LIN54: variants seen among roughly 807,000 people sequenced by gnomAD.
The protein encoded by LIN54 is protein lin-54 homolog.
Under a neutral mutation model 78.7 loss-of-function variants are expected in LIN54, and 9 were observed. That is an observed-to-expected ratio of 0.11 (90% confidence interval 0.07 to 0.20). LIN54 has a LOEUF of 0.20. LIN54 is among the 10% of genes least tolerant of loss of function. The pLI, the probability that LIN54 is intolerant of heterozygous loss-of-function variation, is 1.00. For missense variants in LIN54, 573 were observed against 889.9 expected, an observed-to-expected ratio of 0.64 and a Z score of 4.53; for synonymous variants, 269 against 318.4, an observed-to-expected ratio of 0.84 and a Z score of 1.65.
At chr4:82,995,030 C>T (rs764155007) in intron 1 of LIN54, among the ~76,000 whole-genome samples, 2 of 152,030 alleles carry the variant, frequency 1.3e-5, no homozygotes, top group African/African-American at 2.4e-5. Context: ...GTGGCTCACA[C>T]CTGTAATCCC....
chr4:82,962,327 A>G (rs978375981), intron 4 of LIN54, among the ~76,000 whole-genome samples: 4 of 152,200 alleles, frequency 2.6e-5, no homozygotes, highest in Non-Finnish European at 4.4e-5. Context: ...CAGTTTTGGT[A>G]TGAATCACTG....
rs1193931181 is a variant in LIN54, at chr4:82,925,594, AT to A, written c.*2507del. On this transcript the variant is annotated 3_prime_UTR_variant, in exon 13 of 13. Transcript: ENST00000340417. ...AGTAATAACTGAGCAAAATGATAGA[AT>A]TTTTTAGTTGTGTGTTTTCAGAAGT... is the stretch of plus-strand genomic sequence containing the variant. The A allele has an allele frequency of 6.6e-6, 1 of 152,654 alleles. No individual in the cohort carries two copies. The highest frequency in any genetic ancestry group is 1.5e-5 in the Non-Finnish European group (1 of 68,034). 9.5% of individuals were successfully genotyped at this position (152,654 alleles called of 1,614,324 possible).
intron 1 of LIN54, among the ~76,000 whole-genome samples, chr4:83,005,419 C>T (rs1729265109): frequency 6.6e-6 from 1 of 152,040 alleles, no homozygotes; most frequent in Non-Finnish European, 1.5e-5. Flanking sequence ...AGGCGGATCA[C>T]TTGAGGCCAG....
chr4:82,937,975 T>A lies in LIN54; in HGVS notation c.1532+438A>T, dbSNP rs150880729. Among the ~76,000 whole-genome samples, 135 of 152,002 alleles carry A rather than the reference T, an allele frequency of 8.9e-4. 2 individuals are homozygous for A. In the East Asian group the frequency reaches 0.026, roughly 29 times the overall value. ...GTGAGACCGCATCTCTACAAAAAAATTTAAAAATTAGGAGAGCATGGTGGC... is the reference window on the plus strand; with the variant it reads ...GTGAGACCGCATCTCTACAAAAAAAATTAAAAATTAGGAGAGCATGGTGGC... On this transcript the variant is annotated intron_variant, in intron 8 of 12. Coordinates refer to ENST00000340417, the MANE Select transcript of LIN54 (RefSeq NM_194282.4).
intron 1 of LIN54, among the ~76,000 whole-genome samples, chr4:82,993,868 A>G (rs1727962565): frequency 6.6e-6 from 1 of 150,968 alleles, no homozygotes; most frequent in Non-Finnish European, 1.5e-5. Flanking sequence ...CACCTGCCTC[A>G]GCATCCCAAA....
At chr4:82,930,860 A>G in intron 12 of LIN54, 83 bp downstream of exon 12, 2 of 1,304,168 alleles carry the variant, frequency 1.5e-6, no homozygotes, top group South Asian at 2.5e-5. Flanking sequence ...AACCAAAAAT[A>G]TAAACTCAAC....
In LIN54 at chr4:83,007,591, G is replaced by A. The variant is rs139025478; in HGVS notation, c.-33+2893C>T. ...ATTTCTCTGTGGTTTTACGGCATCCGATAGTCTACTAAATGGCCAGGCGTG... is the reference window on the plus strand; with the variant it reads ...ATTTCTCTGTGGTTTTACGGCATCCAATAGTCTACTAAATGGCCAGGCGTG... On this transcript the variant is annotated intron_variant, in intron 1 of 12. Coordinates refer to ENST00000340417, the MANE Select transcript of LIN54 (RefSeq NM_194282.4). Among the ~76,000 whole-genome samples, 586 of 152,100 alleles carry A rather than the reference G, an allele frequency of 3.9e-3. 7 individuals are homozygous for A. Among genetic ancestry groups the A allele is most frequent in the African/African-American group, 0.013 (534 of 41,496 alleles).
chr4:82,964,539 G>A (rs1032354022), intron 4 of LIN54, among the ~76,000 whole-genome samples: 1 of 152,100 alleles, frequency 6.6e-6, no homozygotes, highest in Admixed American at 6.6e-5. Context: ...CCAAAATGGA[G>A]GTTGGATATC....
intron 4 of LIN54, among the ~76,000 whole-genome samples, chr4:82,954,884 G>A (rs1048133585): frequency 6.6e-6 from 1 of 152,098 alleles, no homozygotes; most frequent in Non-Finnish European, 1.5e-5. Context: ...AACATAAAGT[G>A]CAAAACTATA....
At chr4:82,992,266 T>C (rs1727784027) in intron 1 of LIN54, among the ~76,000 whole-genome samples, 1 of 152,222 alleles carries the variant, frequency 6.6e-6, no homozygotes, top group South Asian at 2.1e-4. Flanking sequence ...GTAATATTCT[T>C]TTAATATCTG....
chr4:82,984,895 A>T lies in LIN54; in HGVS notation c.-32-19T>A. The T allele has an allele frequency of 6.7e-7, 1 of 1,498,540 alleles. No individual in the cohort carries two copies. Among genetic ancestry groups the T allele is most frequent in the Non-Finnish European group, 8.9e-7 (1 of 1,119,016 alleles). 92.8% of individuals were successfully genotyped at this position (1,498,540 alleles called of 1,614,324 possible). On this transcript the variant is annotated intron_variant, in intron 1 of 12. Transcript: ENST00000340417. ...TCAGGCACTGTAATAAAAGTTGAAA[A>T]ATGAACAAGTTACTAGGTTTCAAAA...
At chr4:82,966,645 G>A (rs1206460470) in intron 4 of LIN54, among the ~76,000 whole-genome samples, 1 of 152,070 alleles carries the variant, frequency 6.6e-6, no homozygotes, top group Admixed American at 6.5e-5. Context: ...TTTTGAGACA[G>A]TCTCATTCTG....
intron 1 of LIN54, among the ~76,000 whole-genome samples, chr4:83,002,584 A>C (rs1261003572): frequency 6.6e-6 from 1 of 151,786 alleles, no homozygotes; most frequent in Non-Finnish European, 1.5e-5. Flanking sequence ...TACCTCCTCC[A>C]CCTCTTCTGC....
chr4:82,974,038 A>G lies in LIN54; in HGVS notation c.809-3569T>C, dbSNP rs183103117. On this transcript the variant is annotated intron_variant, in intron 3 of 12. Coordinates refer to ENST00000340417, the MANE Select transcript of LIN54 (RefSeq NM_194282.4). ...ATCCTGGCTAACACGGTGAAACCCC[A>G]TCTCTACTAAAAATACAAAAAATTA... Among the ~76,000 whole-genome samples the G allele has an allele frequency of 3.0e-3, 449 of 152,110 alleles. 1 individual carries two copies. The highest frequency in any genetic ancestry group is 9.3e-3 in the African/African-American group (385 of 41,524).
chr4:82,946,676 A>G (rs1229354139), intron 4 of LIN54, among the ~76,000 whole-genome samples: 1 of 152,230 alleles, frequency 6.6e-6, no homozygotes, highest in Non-Finnish European at 1.5e-5. Context: ...TCTACCTTCC[A>G]TCTCTAGTAG....
chr4:82,940,233 A>G (rs1396214787), intron 5 of LIN54, among the ~76,000 whole-genome samples: 4 of 152,232 alleles, frequency 2.6e-5, no homozygotes, highest in African/African-American at 9.7e-5. Context: ...AAATACTTCA[A>G]TCTGTATTCA....
chr4:82,999,100 T>A (rs1271806009), intron 1 of LIN54, among the ~76,000 whole-genome samples: 2 of 152,206 alleles, frequency 1.3e-5, no homozygotes, highest in Admixed American at 6.6e-5. Flanking sequence ...TGTTTCCACA[T>A]GAGCAGTTCC....
rs954552833 is a variant in LIN54, at chr4:82,979,098, T to G, written c.685-92A>C. 13 of 950,712 alleles carry G rather than the reference T, an allele frequency of 1.4e-5. 1 individual carries two copies. Among genetic ancestry groups the G allele is most frequent in the Non-Finnish European group, 2.0e-5 (13 of 640,132 alleles). The allele number at this position is 950,712 out of a possible 1,614,324, so 58.9% of individuals were successfully genotyped here. A position where few individuals can be genotyped will look rare whatever the true frequency, so the allele number is the denominator to read the frequency against. On this transcript the variant is annotated intron_variant, in intron 2 of 12. Transcript: ENST00000340417. ...CCAAAGATTCACACAAAGTAGCACA[T>G]GTAAAACCAGCTCACTTAACAGAAT...
At chr4:83,010,903 G>A (rs1729819724), upstream of LIN54, 2 of 974,530 alleles carry the variant, frequency 2.1e-6, no homozygotes, top group South Asian at 5.5e-5. Flanking sequence ...GAAGCCTCCC[G>A]CCGCCCCGCC....
Sources: gnomAD v4.1 joint callset for allele counts (sites outside exome capture counted in the v4.1 genomes callset) on GRCh38, gnomAD v4.1.1 for gene constraint, MANE v1.5 for transcripts, NCBI Gene and HGNC (gene_info 2026-07-23, HGNC 2026-07-21) for gene names.